SLC35F3: variants seen among roughly 807,000 people sequenced by gnomAD.
SLC35F3 encodes the protein solute carrier family 35 member F3.
SLC35F3 carries 25 observed loss-of-function variants against 49.9 expected under a neutral mutation model. The ratio of observed to expected loss-of-function variants is 0.50; its 90% CI spans 0.37 to 0.70. SLC35F3 has a LOEUF of 0.70. Ranked by LOEUF, SLC35F3 falls within the 30% of genes least tolerant of loss-of-function variation. The pLI is 0.00. For synonymous variants in SLC35F3, 275 were observed against 265.4 expected (o/e 1.04, Z -0.35); for missense variants, 525 against 639.8 (o/e 0.82, Z 1.94).
At chr1:234,140,709 T>C (rs1665902616) in intron 2 of SLC35F3, among the ~76,000 whole-genome samples, 1 of 152,218 alleles carries the variant, frequency 6.6e-6, no homozygotes, top group Non-Finnish European at 1.5e-5. Context: ...AACTATGCGA[T>C]GTATTGTCTT....
intron 2 of SLC35F3, among the ~76,000 whole-genome samples, chr1:234,139,368 G>A (rs1243130641): frequency 6.6e-6 from 1 of 152,094 alleles, no homozygotes; most frequent in Non-Finnish European, 1.5e-5. Context: ...AATGGACAAC[G>A]CAAATTGTAG....
intron 2 of SLC35F3, among the ~76,000 whole-genome samples, chr1:234,096,778 A>G (rs547875623): frequency 6.6e-6 from 1 of 152,140 alleles, no homozygotes; most frequent in South Asian, 2.1e-4. Flanking sequence ...TTACAAGGCT[A>G]TTTCAATGAC....
intron 2 of SLC35F3, among the ~76,000 whole-genome samples, chr1:234,216,407 G>C (rs1225841810): frequency 6.6e-6 from 1 of 152,202 alleles, no homozygotes; most frequent in African/African-American, 2.4e-5. Context: ...TGTGGCCTCA[G>C]AGGTGCTGCA....
At chr1:234,005,866 A>G (rs1422548511) in intron 2 of SLC35F3, among the ~76,000 whole-genome samples, 1 of 152,176 alleles carries the variant, frequency 6.6e-6, no homozygotes, top group Non-Finnish European at 1.5e-5. Flanking sequence ...GACTCTGGCC[A>G]CAGAGACAGA....
intron 3 of SLC35F3, among the ~76,000 whole-genome samples, chr1:234,246,976 G>T (rs560208233): frequency 6.6e-6 from 1 of 152,178 alleles, no homozygotes; most frequent in African/African-American, 2.4e-5. Context: ...TGGCAGACAC[G>T]GCAGGGTGTG....
intron 3 of SLC35F3, among the ~76,000 whole-genome samples, chr1:234,275,602 G>GACACAC (rs58345055): frequency 6.9e-6 from 1 of 144,922 alleles, no homozygotes; most frequent in South Asian, 2.2e-4. Flanking sequence ...CAGACAGACA[G>GACACAC]ACACACACAC....
At chr1:234,310,958 C>T (rs1044360289) in intron 4 of SLC35F3, among the ~76,000 whole-genome samples, 3 of 152,168 alleles carry the variant, frequency 2.0e-5, no homozygotes, top group Non-Finnish European at 4.4e-5. Context: ...CACATTCCGG[C>T]CATGGTGGCC....
chr1:234,243,422 C>T (rs556561285), intron 3 of SLC35F3, among the ~76,000 whole-genome samples: 5 of 152,188 alleles, frequency 3.3e-5, no homozygotes, highest in South Asian at 2.1e-4. Context: ...ATTAGATAAC[C>T]GACTGTTATT....
In SLC35F3 at chr1:234,009,745, T is replaced by TA. The variant is rs563242562; in HGVS notation, c.283+103996dup. On this transcript the variant is annotated intron_variant, in intron 2 of 7. Coordinates refer to ENST00000366618, the MANE Select transcript of SLC35F3 (RefSeq NM_173508.4). The stretch of plus-strand genomic sequence containing the variant: ...GCAGTCTACAAAAACTGTGATGCTT[T>TA]AAAAAAAAATCAGTCTTTATCACCT... 4.3e-3 allele frequency among the ~76,000 whole-genome samples: 660 copies of TA among 151,822 alleles called. 5 individuals carry two copies. Among genetic ancestry groups the TA allele is most frequent in the African/African-American group, 0.015 (624 of 41,406 alleles).
At chr1:234,009,675 G>T (rs1218646145) in intron 2 of SLC35F3, among the ~76,000 whole-genome samples, 1 of 152,074 alleles carries the variant, frequency 6.6e-6, no homozygotes, top group African/African-American at 2.4e-5. Context: ...ATACGTAAAG[G>T]ATCTATGTTA....
intron 4 of SLC35F3, among the ~76,000 whole-genome samples, chr1:234,315,150 A>G (rs1287093277): frequency 6.6e-6 from 1 of 152,204 alleles, no homozygotes; most frequent in Non-Finnish European, 1.5e-5. Flanking sequence ...CAGAAAGAAC[A>G]CGCAGACAGA....
chr1:234,253,156 T>C (rs1667764076), intron 3 of SLC35F3, among the ~76,000 whole-genome samples: 1 of 151,986 alleles, frequency 6.6e-6, no homozygotes, highest in Non-Finnish European at 1.5e-5. Flanking sequence ...TGAAACCCTG[T>C]CTCTACTAAA....
In SLC35F3 at chr1:234,297,154, A is replaced by C. The variant is rs1668610435; in HGVS notation, c.609-11947A>C. 1.3e-5 allele frequency among the ~76,000 whole-genome samples: 2 copies of C among 152,352 alleles called. 1 individual carries two copies. Among genetic ancestry groups the C allele is most frequent in the South Asian group, 4.1e-4 (2 of 4,832 alleles). On this transcript the variant is annotated intron_variant, in intron 3 of 7. Coordinates refer to ENST00000366618, the MANE Select transcript of SLC35F3 (RefSeq NM_173508.4). ...CTGCCATCATAAGCAAAAGACAACA[A>C]GTGTTAGTGATAATATGGAGAAAAG... is the stretch of plus-strand genomic sequence containing the variant.
At chr1:233,929,914 ACTTTC>A (rs1276577554) in intron 2 of SLC35F3, among the ~76,000 whole-genome samples, 1 of 152,136 alleles carries the variant, frequency 6.6e-6, no homozygotes, top group Non-Finnish European at 1.5e-5. Context: ...GTGGAGAGTG[ACTTTC>A]TAGAGATAGA....
chr1:234,170,271 G>A (rs142716913), intron 2 of SLC35F3, among the ~76,000 whole-genome samples: 173 of 152,330 alleles, frequency 1.1e-3, no homozygotes, highest in African/African-American at 3.8e-3. Flanking sequence ...CCCCATTATA[G>A]AGGGGGGCAC....
At chr1:234,157,283 T>C (rs935232882) in intron 2 of SLC35F3, among the ~76,000 whole-genome samples, 1 of 152,152 alleles carries the variant, frequency 6.6e-6, no homozygotes, top group Non-Finnish European at 1.5e-5. Flanking sequence ...GTTTTTCTTT[T>C]TTATATTCTC....
At chr1:234,010,786 G>C (rs1663705834) in intron 2 of SLC35F3, among the ~76,000 whole-genome samples, 3 of 152,086 alleles carry the variant, frequency 2.0e-5, no homozygotes, top group Non-Finnish European at 4.4e-5. Context: ...GAGATGGAAA[G>C]AAAAGGAGAA....
intron 2 of SLC35F3, among the ~76,000 whole-genome samples, chr1:234,085,391 A>T (rs1161737075): frequency 6.6e-6 from 1 of 152,136 alleles, no homozygotes; most frequent in African/African-American, 2.4e-5. Context: ...GGCCTTCAAA[A>T]ATTGGTTTTT....
chr1:234,138,904 G>A (rs1421035181), intron 2 of SLC35F3, among the ~76,000 whole-genome samples: 2 of 152,152 alleles, frequency 1.3e-5, no homozygotes, highest in Non-Finnish European at 2.9e-5. Flanking sequence ...CTTGACTCAA[G>A]CCAAACAAAT....
Sources: allele counts gnomAD v4.1 joint callset (sites outside exome capture counted in the v4.1 genomes callset), GRCh38; gene constraint gnomAD v4.1.1; transcripts MANE v1.5; gene names NCBI Gene and HGNC (gene_info 2026-07-23, HGNC 2026-07-21).